MCF2L: variants seen among roughly 807,000 people sequenced by gnomAD.
MCF2L encodes the protein guanine nucleotide exchange factor DBS.
In MCF2L, 97 loss-of-function variants were observed where a neutral mutation model predicts 153.4. That is an observed-to-expected ratio of 0.63 (90% CI 0.54 to 0.75). The LOEUF is 0.75. Ranked by LOEUF, MCF2L falls within the 30% of genes least tolerant of loss-of-function variation. The pLI is 0.00. For synonymous variants in MCF2L, 659 were observed against 632.2 expected (o/e 1.04, Z -0.64); for missense variants, 1,347 against 1,495.2 (o/e 0.90, Z 1.64).
intron 2 of MCF2L, among the ~76,000 whole-genome samples, chr13:112,931,268 G>A (rs1459661179): frequency 2.6e-5 from 4 of 152,198 alleles, no homozygotes; most frequent in Non-Finnish European, 5.9e-5. Context: ...GTGACTCTGG[G>A]CAGGAGTGGG....
intron 1 of MCF2L, among the ~76,000 whole-genome samples, chr13:113,012,226 T>TGGTGGACACTGCGATGAGGAC (rs1594644906): frequency 5.6e-5 from 4 of 71,754 alleles, no homozygotes; most frequent in Admixed American, 4.5e-4. Flanking sequence ...GCTGGGTGGA[T>TGGTGGACACTGCGATGAGGAC]GGTGGACACT....
chr13:112,985,977 C>T lies in MCF2L; in HGVS notation c.79+16519C>T, dbSNP rs1414632705. Among the ~76,000 whole-genome samples, 6 of 152,296 alleles carry T rather than the reference C, an allele frequency of 3.9e-5. No individual in the cohort carries two copies. The East Asian group carries it at 9.7e-4, about 25-fold the overall frequency. On this transcript the variant is annotated intron_variant, in intron 1 of 29. Coordinates refer to ENST00000535094, the MANE Select transcript of MCF2L (RefSeq NM_001112732.3). ...TTCCCACGGTCAGCCGTGCAGGGAG[C>T]TGTGAGCCCCGGCCACTCTTCCTCT...
intron 1 of MCF2L, among the ~76,000 whole-genome samples, chr13:112,900,630 G>A (rs2081110638): frequency 6.6e-6 from 1 of 152,100 alleles, no homozygotes; most frequent in Non-Finnish European, 1.5e-5. Context: ...CTTGTGTGTT[G>A]GGGGAAGAGG....
At chr13:112,933,907 G>T (rs893413523) in intron 2 of MCF2L, among the ~76,000 whole-genome samples, 1 of 152,208 alleles carries the variant, frequency 6.6e-6, no homozygotes, top group Non-Finnish European at 1.5e-5. Flanking sequence ...GGCTTCTGTT[G>T]GGCAGTCTGT....
intron 1 of MCF2L, among the ~76,000 whole-genome samples, chr13:112,973,967 T>C (rs746318284): frequency 9.2e-5 from 14 of 152,110 alleles, no homozygotes; most frequent in Non-Finnish European, 1.9e-4. Context: ...CCTTCCAGCG[T>C]CTTCCTGATC....
At chr13:113,040,332 A>G (rs890285282) in intron 3 of MCF2L, 4 of 152,034 alleles carry the variant, frequency 2.6e-5, no homozygotes, top group African/African-American at 7.3e-5. Flanking sequence ...GGTGTCCTCC[A>G]AGGAAAAGAA....
intron 3 of MCF2L, chr13:113,043,099 G>A (rs2086603897): frequency 6.6e-6 from 1 of 152,240 alleles, no homozygotes; most frequent in African/African-American, 2.4e-5. Context: ...TACAGAAAAG[G>A]AAGCAGAGAT....
chr13:113,011,643 GGCA>G (rs2084117667), intron 1 of MCF2L, among the ~76,000 whole-genome samples: 1 of 106,236 alleles, frequency 9.4e-6, no homozygotes, highest in Non-Finnish European at 2.2e-5. Flanking sequence ...ACGGTGGACA[GGCA>G]GTGTGGACGG....
chr13:113,094,514 G>T lies in MCF2L; in HGVS notation c.2954G>T (p.Gly985Val), dbSNP rs766760570. ...PLTKPPEKGK[G>V]WSKTSHSLEA... ...CCTCACGGGTGTCTGTCTCTCTTAG[G>T]TTGGAGCAAAACGTCCCACTCACTG... is the stretch of plus-strand genomic sequence containing the variant. Residue 985 changes from glycine to valine, a missense_variant and splice_region_variant, in exon 27 of 30, where the codon GGT becomes GTT. By Grantham distance (109) the Gly-to-Val change is moderately radical (BLOSUM62 -3). Transcript: ENST00000535094. 1.4e-5 allele frequency: 23 copies of T among 1,610,650 alleles called. 2 individuals are homozygous for T. In the South Asian group the frequency reaches 2.4e-4, roughly 17 times the overall value.
chr13:112,980,421 C>T (rs1318117514), intron 1 of MCF2L, among the ~76,000 whole-genome samples: 1 of 152,240 alleles, frequency 6.6e-6, no homozygotes, highest in East Asian at 1.9e-4. Context: ...TTGGCTGGGG[C>T]CAGCCCCCAC....
chr13:113,065,908 TG>T, intron 7 of MCF2L, 137 bp from the exon 8 acceptor site: 3 of 891,364 alleles, frequency 3.4e-6, no homozygotes, highest in Non-Finnish European at 4.9e-6. Flanking sequence ...CAGAAGAGAC[TG>T]GGAAGACTCG....
At chr13:112,902,255 A>G (rs1277422979) in exon 2 of MCF2L, 1 of 1,612,742 alleles carries the variant, frequency 6.2e-7, no homozygotes, top group Non-Finnish European at 8.5e-7. Flanking sequence ...AGCAACAGTT[A>G]TTCTTCCCCA....
chr13:113,089,685 C>A lies in MCF2L; in HGVS notation c.2910C>A (p.Tyr970Ter). The A allele has an allele frequency of 6.2e-7, 1 of 1,613,926 alleles. No homozygotes were observed. Among genetic ancestry groups the A allele is most frequent in the East Asian group, 2.2e-5 (1 of 44,880 alleles). Residue 970 changes from tyrosine to a stop codon, truncating the protein, a stop_gained, in exon 26 of 30, where the codon TAC becomes TAA. Coordinates refer to ENST00000535094, the MANE Select transcript of MCF2L (RefSeq NM_001112732.3). LOFTEE classifies it high-confidence loss of function. The part of the protein sequence containing the change: ...RKTDPLSLEG[Y>*]VSSAPLTKPP... ...CAGACCCCCTAAGCCTGGAGGGATA[C>A]GTCAGCTCAGCGCCACTGACAAAGC...
At chr13:113,030,385 G>A (rs1487727890) in intron 3 of MCF2L, among the ~76,000 whole-genome samples, 9 of 143,974 alleles carry the variant, frequency 6.3e-5, no homozygotes, top group African/African-American at 2.1e-4. Context: ...GTGGGCCCTC[G>A]GGTGTCCGCC....
chr13:113,003,565 G>A lies in MCF2L; in HGVS notation c.80-11198G>A, dbSNP rs1166058166. Among the ~76,000 whole-genome samples, 3 of 152,116 alleles carry A rather than the reference G, an allele frequency of 2.0e-5. No individual in the cohort carries two copies. In the East Asian group the frequency reaches 5.8e-4, roughly 29 times the overall value. On this transcript the variant is annotated intron_variant, in intron 1 of 29. Transcript: ENST00000535094. Reference sequence around the variant, plus strand: ...TGCCCCCTGGTTTTGCACCCCTGAAGCCCTGGCCACCCCATCCTGCAGTTC... The same window carrying A: ...TGCCCCCTGGTTTTGCACCCCTGAAACCCTGGCCACCCCATCCTGCAGTTC...
chr13:112,960,950 G>A lies in MCF2L; in HGVS notation c.170-53813G>A, dbSNP rs186887102. The stretch of plus-strand genomic sequence containing the variant: ...ACCGTGAGTGACTGCAGGCCGTGCC[G>A]CAGCTCAAGTGGGGGCCCCTGAGGG... On this transcript the variant is annotated intron_variant, in intron 2 of 29. Transcript: ENST00000375608. The surrounding 1 kb of genome is among the most constrained non-coding windows in gnomAD (Gnocchi z 4.2). Among the ~76,000 whole-genome samples the A allele has an allele frequency of 1.1e-3, 169 of 152,258 alleles. 2 individuals carry two copies. Among genetic ancestry groups the A allele is most frequent in the Admixed American group, 6.3e-3 (96 of 15,304 alleles).
intron 2 of MCF2L, among the ~76,000 whole-genome samples, chr13:112,918,941 T>G (rs1834298734): frequency 1.3e-5 from 2 of 152,140 alleles, no homozygotes; most frequent in Non-Finnish European, 2.9e-5. Context: ...GCTCTGCCCC[T>G]GCGCTTCCCC....
At chr13:112,938,059 C>T (rs111349270) in intron 2 of MCF2L, among the ~76,000 whole-genome samples, 1 of 41,922 alleles carries the variant, frequency 2.4e-5, no homozygotes. Flanking sequence ...TTCAGGTAAG[C>T]GCTGAGTGGC....
chr13:113,047,540 A>C (rs553079229), intron 4 of MCF2L, among the ~76,000 whole-genome samples: 1 of 152,348 alleles, frequency 6.6e-6, no homozygotes, highest in African/African-American at 2.4e-5. Context: ...TAAACAACAG[A>C]CAACACCGTT....
Sources: gnomAD v4.1 joint callset for allele counts (sites outside exome capture counted in the v4.1 genomes callset) on GRCh38, gnomAD v4.1.1 for gene constraint, Gnocchi (gnomAD v3.1) non-coding constraint, MANE v1.5 for transcripts, NCBI Gene and HGNC (gene_info 2026-07-23, HGNC 2026-07-21) for gene names.